The following ARL15 variants were observed in gnomAD, a reference collection of about 807,000 sequenced individuals.
The protein encoded by ARL15 is ADP-ribosylation factor-like protein 15.
In ARL15, 19 loss-of-function variants were observed where a neutral mutation model predicts 25.2. That is an observed-to-expected ratio of 0.75 (90% CI 0.53 to 1.10). ARL15 has a LOEUF of 1.10. ARL15 is among the 50% of genes least tolerant of loss of function. ARL15 has a pLI of 0.00. For missense variants in ARL15, 220 were observed against 246.0 expected (o/e 0.89, Z 0.71); for synonymous variants, 94 against 86.8 (o/e 1.08, Z -0.46).
At chr5:53,921,845 A>C (rs541134754) in intron 4 of ARL15, among the ~76,000 whole-genome samples, 1 of 152,228 alleles carries the variant, frequency 6.6e-6, no homozygotes, top group African/African-American at 2.4e-5. Context: ...ACCAGGAATG[A>C]GCAGTTTGAC....
intron 4 of ARL15, among the ~76,000 whole-genome samples, chr5:54,063,069 T>C (rs954047613): frequency 6.6e-6 from 1 of 152,128 alleles, no homozygotes; most frequent in Non-Finnish European, 1.5e-5. Context: ...TCTACATAAC[T>C]TCAAAAAGAA....
intron 3 of ARL15, among the ~76,000 whole-genome samples, chr5:54,124,345 T>TG (rs1561232973): frequency 7.2e-5 from 11 of 152,250 alleles, no homozygotes; most frequent in Non-Finnish European, 1.6e-4. Flanking sequence ...CTTGTAATTC[T>TG]GACATAGGAT....
intron 4 of ARL15, among the ~76,000 whole-genome samples, chr5:53,911,681 G>A (rs976196253): frequency 6.6e-6 from 1 of 151,596 alleles, no homozygotes; most frequent in Non-Finnish European, 1.5e-5. Context: ...TTTATCCCTC[G>A]CCACCCACCA....
intron 4 of ARL15, among the ~76,000 whole-genome samples, chr5:54,100,174 A>G (rs1347991887): frequency 6.6e-6 from 1 of 152,172 alleles, no homozygotes; most frequent in Non-Finnish European, 1.5e-5. Context: ...GGCATCACAT[A>G]TAAATTTTTA....
intron 4 of ARL15, among the ~76,000 whole-genome samples, chr5:53,946,557 C>A (rs1316070216): frequency 6.8e-6 from 1 of 146,516 alleles, no homozygotes; most frequent in African/African-American, 2.5e-5. Context: ...AAAAAAAAGT[C>A]AAAAATGTTA....
chr5:54,066,052 T>C, intron 4 of ARL15, among the ~76,000 whole-genome samples: 1 of 152,220 alleles, frequency 6.6e-6, no homozygotes, highest in East Asian at 1.9e-4. Context: ...ATACATTATT[T>C]CTAGCATCAC....
chr5:54,218,426 G>A (rs1168291580), intron 1 of ARL15, among the ~76,000 whole-genome samples: 5 of 152,060 alleles, frequency 3.3e-5, no homozygotes, highest in Admixed American at 6.6e-5. Flanking sequence ...CCGTATCCCC[G>A]ATGCAGAATT....
At chr5:53,940,184 A>G (rs956172258) in intron 4 of ARL15, among the ~76,000 whole-genome samples, 2 of 152,136 alleles carry the variant, frequency 1.3e-5, no homozygotes, top group African/African-American at 4.8e-5. Flanking sequence ...CGTGTTAGCC[A>G]GGATGGTCTT....
chr5:54,232,874 A>G (rs1353547755), intron 1 of ARL15, among the ~76,000 whole-genome samples: 3 of 152,074 alleles, frequency 2.0e-5, no homozygotes, highest in East Asian at 1.9e-4. Context: ...ACCCAGTTCT[A>G]TGCTTCTCCT....
At chr5:54,093,187 T>C (rs1346504610) in intron 4 of ARL15, among the ~76,000 whole-genome samples, 1 of 152,206 alleles carries the variant, frequency 6.6e-6, no homozygotes, top group African/African-American at 2.4e-5. Flanking sequence ...ATGGTGTCTA[T>C]TGTTGAATGT....
intron 1 of ARL15, among the ~76,000 whole-genome samples, chr5:54,234,860 G>A (rs747081099): frequency 2.0e-4 from 31 of 152,004 alleles, no homozygotes; most frequent in Non-Finnish European, 3.4e-4. Context: ...ATGAGCATAG[G>A]GAAATTAATT....
At chr5:53,976,832 G>A (rs1442801538) in intron 4 of ARL15, among the ~76,000 whole-genome samples, 2 of 152,044 alleles carry the variant, frequency 1.3e-5, no homozygotes, top group African/African-American at 4.8e-5. Flanking sequence ...TGAAGAAGAC[G>A]GGCAGCCCCT....
At chr5:53,901,389 G>A (rs1274945712) in intron 4 of ARL15, among the ~76,000 whole-genome samples, 1 of 152,134 alleles carries the variant, frequency 6.6e-6, no homozygotes, top group African/African-American at 2.4e-5. Flanking sequence ...GTTGTTTAAG[G>A]AGTCCTACCT....
intron 1 of ARL15, among the ~76,000 whole-genome samples, chr5:54,288,988 C>T (rs769179544): frequency 5.9e-5 from 9 of 152,094 alleles, no homozygotes; most frequent in Non-Finnish European, 1.2e-4. Context: ...AAGTAAGAGG[C>T]CTGTCTCATT....
chr5:54,057,968 C>G lies in ARL15; in HGVS notation c.462+55234G>C, dbSNP rs865827822. ...ATACACAGTGGTATTTTATCTCTGTCTCCACTAATTTACTGGTGCCTTTAT... is the reference window on the plus strand; with the variant it reads ...ATACACAGTGGTATTTTATCTCTGTGTCCACTAATTTACTGGTGCCTTTAT... On this transcript the variant is annotated intron_variant, in intron 4 of 4. Transcript: ENST00000504924. Among the ~76,000 whole-genome samples the G allele has an allele frequency of 1.9e-3, 285 of 151,478 alleles. 2 individuals are homozygous for G. Among genetic ancestry groups the G allele is most frequent in the African/African-American group, 6.5e-3 (268 of 41,280 alleles).
chr5:54,259,269 T>G (rs917266916), intron 1 of ARL15, among the ~76,000 whole-genome samples: 8 of 152,144 alleles, frequency 5.3e-5, no homozygotes, highest in African/African-American at 1.9e-4. Context: ...CACATACTGA[T>G]ATATGCACAC....
At chr5:54,100,828 C>A (rs927445690) in intron 4 of ARL15, among the ~76,000 whole-genome samples, 2 of 151,950 alleles carry the variant, frequency 1.3e-5, no homozygotes, top group Admixed American at 1.3e-4. Flanking sequence ...AATAAAGCAG[C>A]CTGGTTTCAG....
chr5:54,213,744 T>G, intron 1 of ARL15, among the ~76,000 whole-genome samples: 1 of 152,176 alleles, frequency 6.6e-6, no homozygotes, highest in Admixed American at 6.5e-5. Context: ...GGTCATAATT[T>G]ATCCAAAAAA....
chr5:54,100,931 G>A (rs1752416952), intron 4 of ARL15, among the ~76,000 whole-genome samples: 1 of 151,870 alleles, frequency 6.6e-6, no homozygotes, highest in Admixed American at 6.6e-5. Flanking sequence ...TGTACCACAT[G>A]GCTTTATTAA....
Sources: allele counts gnomAD v4.1 joint callset (sites outside exome capture counted in the v4.1 genomes callset), GRCh38; gene constraint gnomAD v4.1.1; transcripts MANE v1.5; gene names NCBI Gene and HGNC (gene_info 2026-07-23, HGNC 2026-07-21).